The following LUZP2 variants were observed in gnomAD, a reference collection of about 807,000 sequenced individuals.
The protein encoded by LUZP2 is leucine zipper protein 2.
Under a neutral mutation model 51.6 loss-of-function variants are expected in LUZP2, and 52 were observed. The ratio of observed to expected loss-of-function variants is 1.01; its 90% CI spans 0.81 to 1.27. The LOEUF (loss-of-function observed/expected upper bound fraction) is 1.27, where lower values mean the gene tolerates loss of function less well. Ranked by LOEUF, LUZP2 falls within the 50% of genes most tolerant of loss-of-function variation. The pLI is 0.00. For missense variants in LUZP2, 436 were observed against 395.4 expected, an observed-to-expected ratio of 1.10 and a Z score of -0.87; for synonymous variants, 154 against 137.3, an observed-to-expected ratio of 1.12 and a Z score of -0.85.
chr11:24,735,655 G>C (rs1333140568), intron 3 of LUZP2, among the ~76,000 whole-genome samples: 2 of 151,936 alleles, frequency 1.3e-5, no homozygotes, highest in African/African-American at 4.8e-5. Context: ...TGTTTTTATA[G>C]CTATAATTTG....
chr11:24,602,158 G>GTATATATGTA (rs1853708368), intron 1 of LUZP2, among the ~76,000 whole-genome samples: 3 of 122,988 alleles, frequency 2.4e-5, no homozygotes, highest in African/African-American at 3.3e-5. Context: ...ATGTATATAT[G>GTATATATGTA]TATATATGTG....
At chr11:24,780,522 A>G (rs560813844) in intron 5 of LUZP2, among the ~76,000 whole-genome samples, 1 of 152,262 alleles carries the variant, frequency 6.6e-6, no homozygotes, top group African/African-American at 2.4e-5. Context: ...CACAAAAACT[A>G]TTGAGCAGGA....
intron 9 of LUZP2, among the ~76,000 whole-genome samples, chr11:25,003,986 G>T (rs1019217908): frequency 6.6e-6 from 1 of 152,192 alleles, no homozygotes; most frequent in Non-Finnish European, 1.5e-5. Flanking sequence ...GGATGGTAAC[G>T]GACCTTGAAG....
At chr11:24,676,538 C>T (rs1333119849) in intron 1 of LUZP2, among the ~76,000 whole-genome samples, 1 of 152,108 alleles carries the variant, frequency 6.6e-6, no homozygotes, top group Non-Finnish European at 1.5e-5. Flanking sequence ...ATAAAACTGT[C>T]TGTTACAAAT....
At chr11:24,796,278 A>G (rs1489769127) in intron 5 of LUZP2, among the ~76,000 whole-genome samples, 7 of 152,096 alleles carry the variant, frequency 4.6e-5, no homozygotes, top group Middle Eastern at 3.2e-3. Flanking sequence ...GTCTTTTTGA[A>G]TAACCCGATT....
intron 1 of LUZP2, among the ~76,000 whole-genome samples, chr11:24,607,339 G>GTATT (rs1814760371): frequency 2.1e-5 from 1 of 48,496 alleles, no homozygotes; most frequent in Non-Finnish European, 4.1e-5. Flanking sequence ...GGGATATTAT[G>GTATT]TCTTTTTTTT....
At chr11:24,970,222 T>G (rs1351244901) in intron 7 of LUZP2, among the ~76,000 whole-genome samples, 2 of 152,136 alleles carry the variant, frequency 1.3e-5, no homozygotes, top group Non-Finnish European at 2.9e-5. Context: ...ACAAATAAGT[T>G]TTAAGGCTCC....
At chr11:24,656,958 A>G (rs1179215656) in intron 1 of LUZP2, among the ~76,000 whole-genome samples, 1 of 152,188 alleles carries the variant, frequency 6.6e-6, no homozygotes, top group East Asian at 1.9e-4. Flanking sequence ...CCCTTTTGCC[A>G]TGTAACTATT....
intron 1 of LUZP2, among the ~76,000 whole-genome samples, chr11:24,543,767 A>G (rs183443284): frequency 2.7e-4 from 35 of 129,602 alleles, no homozygotes; most frequent in Non-Finnish European, 5.3e-4. Context: ...GTTTGCAGTG[A>G]GCTGAGATTG....
At chr11:24,849,754 C>T (rs367888463) in intron 5 of LUZP2, among the ~76,000 whole-genome samples, 11 of 152,042 alleles carry the variant, frequency 7.2e-5, no homozygotes, top group South Asian at 6.2e-4. Context: ...AGTATAAAAG[C>T]GATCCTATTT....
intron 10 of LUZP2, among the ~76,000 whole-genome samples, chr11:25,070,657 G>A (rs947169811): frequency 1.3e-5 from 2 of 151,848 alleles, no homozygotes; most frequent in East Asian, 1.9e-4. Flanking sequence ...TAGAATATGT[G>A]TTGTAAAATA....
intron 1 of LUZP2, among the ~76,000 whole-genome samples, chr11:24,523,393 T>C (rs998665923): frequency 3.3e-5 from 5 of 151,738 alleles, no homozygotes; most frequent in African/African-American, 9.7e-5. Context: ...ACATTTTTGG[T>C]AAATTCTTTA....
At chr11:25,065,679 G>A (rs1361905283) in intron 10 of LUZP2, among the ~76,000 whole-genome samples, 3 of 151,962 alleles carry the variant, frequency 2.0e-5, no homozygotes, top group East Asian at 3.9e-4. Flanking sequence ...GTTTTGCCAG[G>A]AAGAATTAAA....
intron 9 of LUZP2, among the ~76,000 whole-genome samples, chr11:25,006,694 G>A (rs538621731): frequency 2.0e-5 from 3 of 152,250 alleles, no homozygotes; most frequent in Non-Finnish European, 2.9e-5. Flanking sequence ...GGCGATAGTC[G>A]ATAGTCCCAT....
At chr11:24,980,369 A>T (rs1855993417) in intron 8 of LUZP2, among the ~76,000 whole-genome samples, 1 of 151,778 alleles carries the variant, frequency 6.6e-6, no homozygotes, top group African/African-American at 2.4e-5. Flanking sequence ...TATGAGAAAT[A>T]CTTTCTTATA....
At chr11:24,737,501 T>TAAA (rs74313884) in intron 3 of LUZP2, among the ~76,000 whole-genome samples, 4 of 150,244 alleles carry the variant, frequency 2.7e-5, no homozygotes, top group Admixed American at 1.3e-4. Flanking sequence ...ATAGCTCGAG[T>TAAA]AAAAAAAAAT....
chr11:24,889,259 G>A (rs1225741117), intron 5 of LUZP2, among the ~76,000 whole-genome samples: 1 of 152,088 alleles, frequency 6.6e-6, no homozygotes, highest in African/African-American at 2.4e-5. Context: ...TGTGGGTGGG[G>A]GGCAAAAATA....
intron 5 of LUZP2, among the ~76,000 whole-genome samples, chr11:24,902,788 G>C (rs972942613): frequency 1.3e-5 from 2 of 152,062 alleles, no homozygotes; most frequent in Admixed American, 1.3e-4. Flanking sequence ...AAGGATAAAA[G>C]TTAGTATTTG....
intron 3 of LUZP2, among the ~76,000 whole-genome samples, chr11:24,734,949 G>A (rs11028129): frequency 0.48 from 72,690 of 151,530 alleles, 18,527 homozygotes; most frequent in Admixed American, 0.66. Context: ...TAGAAGCCAG[G>A]CTTCTTTTAT....
Sources: allele counts gnomAD v4.1 joint callset (sites outside exome capture counted in the v4.1 genomes callset), GRCh38; gene constraint gnomAD v4.1.1; transcripts MANE v1.5; gene names NCBI Gene and HGNC (gene_info 2026-07-23, HGNC 2026-07-21).